The following MAP2K5 variants were observed in gnomAD, a reference collection of about 807,000 sequenced individuals.
MAP2K5 encodes the protein dual specificity mitogen-activated protein kinase kinase 5.
Under a neutral mutation model 83.1 loss-of-function variants are expected in MAP2K5, and 49 were observed. That is an observed-to-expected ratio of 0.59 (90% confidence interval 0.47 to 0.75). The LOEUF (loss-of-function observed/expected upper bound fraction) is 0.75, where lower values mean the gene tolerates loss of function less well. MAP2K5 is among the 30% of genes least tolerant of loss of function. The pLI, the probability that MAP2K5 is intolerant of heterozygous loss-of-function variation, is 0.00. For missense variants in MAP2K5, 457 were observed against 557.5 expected (o/e 0.82, Z 1.82); for synonymous variants, 202 against 191.8 (o/e 1.05, Z -0.44).
chr15:67,806,154 G>A (rs2090800710), intron 21 of MAP2K5, among the ~76,000 whole-genome samples: 1 of 152,206 alleles, frequency 6.6e-6, no homozygotes, highest in African/African-American at 2.4e-5. Context: ...CCAATTGCAG[G>A]TGGTGACTTC....
intron 16 of MAP2K5, among the ~76,000 whole-genome samples, chr15:67,721,167 T>A (rs539552985): frequency 1.0e-3 from 156 of 152,144 alleles, no homozygotes; most frequent in Non-Finnish European, 1.9e-3. Context: ...CCAGGGTACA[T>A]GTGCAGGATG....
chr15:67,609,885 G>GC (rs2085878955), intron 8 of MAP2K5, among the ~76,000 whole-genome samples: 1 of 152,082 alleles, frequency 6.6e-6, no homozygotes, highest in Non-Finnish European at 1.5e-5. Flanking sequence ...ATTAAGATAG[G>GC]CATGAACTTG....
chr15:67,716,742 T>C (rs1396500307), intron 16 of MAP2K5, among the ~76,000 whole-genome samples: 1 of 152,168 alleles, frequency 6.6e-6, no homozygotes, highest in Non-Finnish European at 1.5e-5. Flanking sequence ...TGTAGTGCTC[T>C]TTCCTCTCTT....
intron 8 of MAP2K5, among the ~76,000 whole-genome samples, chr15:67,606,481 A>G (rs1226586372): frequency 3.3e-5 from 5 of 152,196 alleles, no homozygotes; most frequent in Non-Finnish European, 7.3e-5. Context: ...CTTAGGAATT[A>G]ATTTGAACCT....
intron 11 of MAP2K5, among the ~76,000 whole-genome samples, chr15:67,654,152 G>A (rs968631718): frequency 1.3e-5 from 2 of 152,054 alleles, no homozygotes; most frequent in South Asian, 2.1e-4. Context: ...ATATTTTTGA[G>A]TTGTCTATTT....
At chr15:67,671,930 A>G (rs1422815543) in intron 13 of MAP2K5, among the ~76,000 whole-genome samples, 1 of 150,792 alleles carries the variant, frequency 6.6e-6, no homozygotes, top group Non-Finnish European at 1.5e-5. Context: ...TTTTGTCCTC[A>G]TGATAGTTTA....
In MAP2K5 at chr15:67,782,850, G is replaced by T. The variant is rs188984016; in HGVS notation, c.1242+10098G>T. ...CTTCTCCAAAACAAGCTTTCCTCCC[G>T]TCAGGGAGGTCAGCAGAGCTTCGGC... On this transcript the variant is annotated intron_variant, in intron 21 of 21. Transcript: ENST00000178640. The surrounding 1 kb of genome is among the most constrained non-coding windows in gnomAD (Gnocchi z 4.9). Among the ~76,000 whole-genome samples the T allele has an allele frequency of 6.6e-6, 1 of 152,176 alleles. No homozygotes were observed. The highest frequency in any genetic ancestry group is 2.1e-4 in the South Asian group (1 of 4,830).
intron 8 of MAP2K5, among the ~76,000 whole-genome samples, chr15:67,616,411 CA>C (rs1462354085): frequency 6.6e-6 from 1 of 152,148 alleles, no homozygotes; most frequent in Non-Finnish European, 1.5e-5. Flanking sequence ...CAAACTTTTT[CA>C]TAATGAATCA....
chr15:67,792,236 G>A (rs1047736749), intron 21 of MAP2K5, among the ~76,000 whole-genome samples: 26 of 152,160 alleles, frequency 1.7e-4, no homozygotes, highest in Non-Finnish European at 1.5e-5. Flanking sequence ...TGGACCTTCT[G>A]GCTCTAGGCA....
intron 16 of MAP2K5, among the ~76,000 whole-genome samples, chr15:67,725,287 A>T (rs1002029562): frequency 6.6e-6 from 1 of 152,228 alleles, no homozygotes; most frequent in Non-Finnish European, 1.5e-5. Flanking sequence ...ATGAATGCAC[A>T]TTCCCAAGTT....
At chr15:67,575,211 T>C (rs2085028294) in intron 3 of MAP2K5, among the ~76,000 whole-genome samples, 1 of 152,160 alleles carries the variant, frequency 6.6e-6, no homozygotes, top group Admixed American at 6.5e-5. Flanking sequence ...TAGTTGAAAC[T>C]TTGAAGTGGC....
chr15:67,588,416 G>A (rs903821869), intron 6 of MAP2K5, among the ~76,000 whole-genome samples: 1 of 152,114 alleles, frequency 6.6e-6, no homozygotes, highest in Non-Finnish European at 1.5e-5. Flanking sequence ...GCACACCAGG[G>A]ACCTCTCTAG....
chr15:67,563,980 T>C lies in MAP2K5; in HGVS notation c.252+630T>C, dbSNP rs1160723724. Among the ~76,000 whole-genome samples the C allele has an allele frequency of 6.6e-6, 1 of 152,248 alleles. No individual in the cohort carries two copies. The highest frequency in any genetic ancestry group is 1.5e-5 in the Non-Finnish European group (1 of 68,040). The stretch of plus-strand genomic sequence containing the variant: ...AAAGGGCATATTTCTAAAGCTTCAA[T>C]ACTAAGCTTGAAAAATTCAGCTATC... On this transcript the variant is annotated intron_variant, in intron 3 of 21. Coordinates refer to ENST00000178640, the MANE Select transcript of MAP2K5 (RefSeq NM_145160.3). This position sits in a 1 kb window ranked among gnomAD's most constrained non-coding sequence, Gnocchi z 4.5.
At chr15:67,624,065 C>T (rs937041286) in intron 8 of MAP2K5, among the ~76,000 whole-genome samples, 8 of 151,410 alleles carry the variant, frequency 5.3e-5, no homozygotes, top group East Asian at 3.9e-4. Flanking sequence ...CTAGGCCGGG[C>T]GCAGTGGCTC....
intron 9 of MAP2K5, among the ~76,000 whole-genome samples, chr15:67,635,011 A>T (rs771334817): frequency 2.6e-5 from 4 of 152,220 alleles, no homozygotes; most frequent in South Asian, 4.1e-4. Flanking sequence ...TAGAATTCAT[A>T]ACTTAACATA....
chr15:67,786,329 C>A lies in MAP2K5; in HGVS notation c.1242+13577C>A, dbSNP rs773414823. 1.3e-5 allele frequency among the ~76,000 whole-genome samples: 2 copies of A among 152,122 alleles called. No individual in the cohort carries two copies. The highest frequency in any genetic ancestry group is 2.9e-5 in the Non-Finnish European group (2 of 68,026). Reference sequence around the variant, plus strand: ...AAGATGAAGCACATTCCTCCCCACTCACTGGAAGCCATAACTTTTCATGTC... The same window carrying A: ...AAGATGAAGCACATTCCTCCCCACTAACTGGAAGCCATAACTTTTCATGTC... On this transcript the variant is annotated intron_variant, in intron 21 of 21. Transcript: ENST00000178640. This position sits in a 1 kb window ranked among gnomAD's most constrained non-coding sequence, Gnocchi z 4.7.
intron 19 of MAP2K5, among the ~76,000 whole-genome samples, chr15:67,761,665 G>C (rs574552981): frequency 7.2e-5 from 11 of 152,230 alleles, no homozygotes; most frequent in African/African-American, 2.2e-4. Context: ...TTCAGGACAC[G>C]GACCTGCCAG....
rs2090257048 is a variant in MAP2K5 at position 67,777,343 on chromosome 15, G to C, written c.1242+4591G>C. Among the ~76,000 whole-genome samples, 1 of 152,214 alleles carries C rather than the reference G, an allele frequency of 6.6e-6. No individual in the cohort carries two copies. The highest frequency in any genetic ancestry group is 1.5e-5 in the Non-Finnish European group (1 of 68,052). On this transcript the variant is annotated intron_variant, in intron 21 of 21. Transcript: ENST00000178640. The surrounding 1 kb of genome is among the most constrained non-coding windows in gnomAD (Gnocchi z 6.0). Reference sequence around the variant, plus strand: ...CGGTAGATCTTTCTATGCATTTAGAGTGTTTCCAGAAGCTTTCAGTGTCTA... The same window carrying C: ...CGGTAGATCTTTCTATGCATTTAGACTGTTTCCAGAAGCTTTCAGTGTCTA...
At chr15:67,671,818 C>G (rs974206946) in intron 13 of MAP2K5, among the ~76,000 whole-genome samples, 1 of 114,560 alleles carries the variant, frequency 8.7e-6, no homozygotes. Context: ...CCCCCTCCCC[C>G]CACCCCACAA....
Sources: allele counts gnomAD v4.1 joint callset (sites outside exome capture counted in the v4.1 genomes callset), GRCh38; gene constraint gnomAD v4.1.1; non-coding constraint Gnocchi (gnomAD v3.1); transcripts MANE v1.5; gene names NCBI Gene and HGNC (gene_info 2026-07-23, HGNC 2026-07-21).